The following RPN2 variants were observed in gnomAD, a reference collection of about 807,000 sequenced individuals.
RPN2 encodes dolichyl-diphosphooligosaccharide--protein glycosyltransferase subunit 2.
Under a neutral mutation model 71.4 loss-of-function variants are expected in RPN2, and 29 were observed. The ratio of observed to expected loss-of-function variants is 0.41; its 90% confidence interval spans 0.30 to 0.55. The LOEUF is 0.55. Among genes scored for constraint, RPN2 ranks in the 20% least tolerant of loss-of-function variants. The pLI is 0.35. For missense variants in RPN2, 726 were observed against 774.1 expected (o/e 0.94, Z 0.74); for synonymous variants, 308 against 305.0 (o/e 1.01, Z -0.10).
intron 4 of RPN2, among the ~76,000 whole-genome samples, chr20:37,201,354 A>C (rs1331933757): frequency 6.7e-6 from 1 of 149,414 alleles, no homozygotes. Flanking sequence ...TCATATTTAA[A>C]GCTCACTACA....
At chr20:37,196,746 C>G (rs968280250) in intron 2 of RPN2, among the ~76,000 whole-genome samples, 6 of 152,162 alleles carry the variant, frequency 3.9e-5, no homozygotes, top group Non-Finnish European at 7.3e-5. Flanking sequence ...ATTACTTCAG[C>G]CAAAATATTG....
At chr20:37,217,910 A>T (rs1220011637) in intron 9 of RPN2, among the ~76,000 whole-genome samples, 1 of 151,634 alleles carries the variant, frequency 6.6e-6, no homozygotes, top group East Asian at 2.0e-4. Flanking sequence ...ATTTTTTTGT[A>T]TTTTTAGTAG....
At chr20:37,194,418 C>T (rs112000827) in intron 2 of RPN2, among the ~76,000 whole-genome samples, 3,459 of 152,214 alleles carry the variant, frequency 0.023, 52 homozygotes, top group Middle Eastern at 0.034. Flanking sequence ...CACACCCCCA[C>T]GCCTGGCTAA....
chr20:37,241,584 G>A lies in RPN2; in HGVS notation c.*269G>A. 2.0e-6 allele frequency: 1 copy of A among 510,624 alleles called. No individual in the cohort carries two copies. Among genetic ancestry groups the A allele is most frequent in the South Asian group, 2.2e-5 (1 of 46,112 alleles). The allele number at this position is 510,624 out of a possible 1,614,324, so 31.6% of individuals were successfully genotyped here. On this transcript the variant is annotated 3_prime_UTR_variant, in exon 17 of 17. Transcript: ENST00000237530. ...TGTTGCTTTTGAAAAGTTGAAATGTGTAATTGTTTTGGAATAAAGAGGGTA... is the reference window on the plus strand; with the variant it reads ...TGTTGCTTTTGAAAAGTTGAAATGTATAATTGTTTTGGAATAAAGAGGGTA...
At chr20:37,188,928 T>C (rs1488292335) in intron 2 of RPN2, among the ~76,000 whole-genome samples, 2 of 151,696 alleles carry the variant, frequency 1.3e-5, no homozygotes, top group African/African-American at 2.4e-5. Context: ...CAGCCTCCAA[T>C]TGATGTCTTT....
At chr20:37,222,958 C>T (rs902088656) in intron 9 of RPN2, among the ~76,000 whole-genome samples, 1 of 152,220 alleles carries the variant, frequency 6.6e-6, no homozygotes, top group Non-Finnish European at 1.5e-5. Flanking sequence ...GTGCTTATAA[C>T]AAACTCCCAA....
At chr20:37,213,706 T>C (rs2067734280) in intron 8 of RPN2, 54 bp from the exon 9 acceptor site, 1 of 1,337,738 alleles carries the variant, frequency 7.5e-7, no homozygotes, top group Non-Finnish European at 1.1e-6. Flanking sequence ...CTGTTTGTTA[T>C]ATCCATGACT....
At chr20:37,204,589 T>C (rs1404522111) in intron 5 of RPN2, among the ~76,000 whole-genome samples, 178 bp from the exon 6 acceptor site, 2 of 152,216 alleles carry the variant, frequency 1.3e-5, no homozygotes, top group Non-Finnish European at 2.9e-5. Flanking sequence ...AAATGTCTGT[T>C]TGATATACTT....
intron 9 of RPN2, among the ~76,000 whole-genome samples, chr20:37,218,043 T>A (rs917529945): frequency 6.6e-6 from 1 of 152,046 alleles, no homozygotes; most frequent in African/African-American, 2.4e-5. Flanking sequence ...CGGCCAAGAG[T>A]TAGCTTTTAT....
chr20:37,222,156 G>A (rs1397658187), intron 9 of RPN2, among the ~76,000 whole-genome samples: 2 of 152,166 alleles, frequency 1.3e-5, no homozygotes, highest in Admixed American at 1.3e-4. Flanking sequence ...GAGTTGTAAC[G>A]CTGTTAACTC....
chr20:37,211,865 G>A (rs950037466), intron 8 of RPN2, among the ~76,000 whole-genome samples: 3 of 151,886 alleles, frequency 2.0e-5, no homozygotes, highest in Admixed American at 6.6e-5. Context: ...AGCCTCCTAA[G>A]TAGCTGGGAT....
At chr20:37,199,247 T>C (rs1458943214) in intron 4 of RPN2, 22 bp downstream of exon 4, 2 of 1,611,864 alleles carry the variant, frequency 1.2e-6, no homozygotes, top group South Asian at 1.1e-5. Flanking sequence ...TCTCGAGCAT[T>C]TCTCAGGCTT....
Position 37,181,226 on chromosome 20 carries a change from TAA to T in RPN2, c.13+1870_13+1871del, listed in dbSNP as rs1156816187. The stretch of plus-strand genomic sequence containing the variant: ...CCTGGCAACAGAGCGAGACTCTGTC[TAA>T]AAAAAAAAAAAAGAACTTTCCAGTG... On this transcript the variant is annotated intron_variant, in intron 1 of 16. Coordinates refer to ENST00000237530, the MANE Select transcript of RPN2 (RefSeq NM_002951.5). 3.1e-4 allele frequency among the ~76,000 whole-genome samples: 42 copies of T among 136,964 alleles called. 1 individual carries two copies. The South Asian group carries it at 6.0e-3, about 20-fold the overall frequency. The allele number at this position is 136,964 out of a possible 152,430, so 89.9% of individuals were successfully genotyped here. A position where few individuals can be genotyped will look rare whatever the true frequency, so the allele number is the denominator to read the frequency against.
chr20:37,215,194 C>T (rs564960960), intron 9 of RPN2, among the ~76,000 whole-genome samples: 2 of 152,186 alleles, frequency 1.3e-5, no homozygotes, highest in Non-Finnish European at 2.9e-5. Context: ...GAGAGCTCCT[C>T]AAATTGGCTC....
intron 8 of RPN2, 56 bp downstream of exon 8, chr20:37,210,221 C>T (rs950927077): frequency 1.9e-6 from 3 of 1,607,468 alleles, no homozygotes; most frequent in Admixed American, 1.7e-5. Context: ...GGAAAGTTAG[C>T]CTGCAGCCAG....
At chr20:37,206,649 A>G (rs1011770615) in intron 6 of RPN2, among the ~76,000 whole-genome samples, 54 of 152,204 alleles carry the variant, frequency 3.5e-4, no homozygotes, top group Non-Finnish European at 6.8e-4. Context: ...TATATATTTC[A>G]TAATATAGTT....
At chr20:37,224,328 A>G (rs187670951) in intron 10 of RPN2, among the ~76,000 whole-genome samples, 115 of 152,356 alleles carry the variant, frequency 7.5e-4, no homozygotes, top group Non-Finnish European at 1.4e-3. Flanking sequence ...TCAATGAAGG[A>G]AGCAAGGTAT....
intron 2 of RPN2, among the ~76,000 whole-genome samples, chr20:37,196,050 G>C (rs527739500): frequency 1.3e-5 from 2 of 152,080 alleles, no homozygotes; most frequent in African/African-American, 4.8e-5. Context: ...TACTCTCCAG[G>C]AGCACCCCGC....
At chr20:37,195,214 T>C (rs1455667185) in intron 2 of RPN2, among the ~76,000 whole-genome samples, 1 of 152,174 alleles carries the variant, frequency 6.6e-6, no homozygotes, top group Non-Finnish European at 1.5e-5. Flanking sequence ...GCCTCAGCAC[T>C]GGGTGGGCTC....
Sources: allele counts gnomAD v4.1 joint callset (sites outside exome capture counted in the v4.1 genomes callset), GRCh38; gene constraint gnomAD v4.1.1; transcripts MANE v1.5; gene names NCBI Gene and HGNC (gene_info 2026-07-23, HGNC 2026-07-21).